The following KLC3 variants were observed in gnomAD, a reference collection of about 807,000 sequenced individuals.
The protein encoded by KLC3 is kinesin light chain 2.
Under a neutral mutation model 62.9 loss-of-function variants are expected in KLC3, and 72 were observed. The observed-to-expected ratio is 1.15, with a 90% CI of 0.95 to 1.39. The LOEUF (loss-of-function observed/expected upper bound fraction) is 1.39. Among genes scored for constraint, KLC3 ranks in the 40% most tolerant of loss-of-function variants. KLC3 has a pLI of 0.00. For missense variants in KLC3, 848 were observed against 691.6 expected (o/e 1.23, Z -2.54); for synonymous variants, 377 against 300.5 (o/e 1.25, Z -2.63).
In KLC3 at chr19:45,350,509, C is replaced by T; in HGVS notation, c.1235-5C>T. On this transcript the variant is annotated splice_polypyrimidine_tract_variant and splice_region_variant and intron_variant, in intron 9 of 12. Coordinates refer to ENST00000391946, the MANE Select transcript of KLC3 (RefSeq NM_177417.3). ...CATCTCAGTGTCCCCCATCTTTCCC[C>T]CTAGGTGCCCCCAACACAGGCACAG... is the stretch of plus-strand genomic sequence containing the variant. 1 of 1,613,900 alleles carries T rather than the reference C, an allele frequency of 6.2e-7. No individual in the cohort carries two copies. Among genetic ancestry groups the T allele is most frequent in the Non-Finnish European group, 8.5e-7 (1 of 1,179,926 alleles).
intron 11 of KLC3, 51 bp downstream of exon 11, chr19:45,350,798 G>GCCCAC: frequency 7.0e-7 from 1 of 1,434,616 alleles, no homozygotes; most frequent in Non-Finnish European, 9.6e-7. Flanking sequence ...AGAATCCACA[G>GCCCAC]CCCACCCCAC....
chr19:45,344,373 TCTG>T (rs563507297), intron 1 of KLC3, among the ~76,000 whole-genome samples: 4 of 141,374 alleles, frequency 2.8e-5, no homozygotes, highest in South Asian at 2.2e-4. Context: ...GCCACCATGC[TCTG>T]CTATTTTTTT....
At chr19:45,345,828 G>A (rs1188220167) in intron 2 of KLC3, 29 bp downstream of exon 2, 2 of 1,532,990 alleles carry the variant, frequency 1.3e-6, no homozygotes, top group South Asian at 1.2e-5. Context: ...GGGAGCTGGG[G>A]GAAGGTCAGC....
intron 8 of KLC3, 122 bp from the exon 9 acceptor site, chr19:45,350,219 C>G: frequency 1.4e-6 from 1 of 722,704 alleles, no homozygotes; most frequent in Non-Finnish European, 2.3e-6. Flanking sequence ...GCTAGGAGTT[C>G]AAGACCAGCC....
chr19:45,349,053 C>G, intron 7 of KLC3, 132 bp downstream of exon 7: 1 of 760,728 alleles, frequency 1.3e-6, no homozygotes. Flanking sequence ...CCAGTTGGAG[C>G]CTAGATCACC....
At chr19:45,347,418 C>A (rs55936510) in intron 3 of KLC3, 29 bp from the exon 4 acceptor site, 65 of 1,592,324 alleles carry the variant, frequency 4.1e-5, no homozygotes, top group Non-Finnish European at 5.2e-5. Flanking sequence ...CCCCCACCAC[C>A]CCGGCCCCCC....
At position 45,347,979 on chromosome 19, in the gene KLC3, G is replaced by C; in HGVS notation, c.598G>C (p.Gly200Arg). 2 of 1,609,376 alleles carry C rather than the reference G, an allele frequency of 1.2e-6. No homozygotes were observed. Among genetic ancestry groups the C allele is most frequent in the Non-Finnish European group, 1.7e-6 (2 of 1,178,096 alleles). The change falls in exon 5 of 13, where the codon GGC becomes CGC. Residue 200 changes from glycine to arginine, a missense_variant. Physicochemically the swap from Gly to Arg is moderately radical, Grantham distance 125 (BLOSUM62 -2). Transcript: ENST00000391946. Reference protein sequence around the residue: ...AAGAAAAQQGGYEIPARLRTL... With the variant: ...AAGAAAAQQGRYEIPARLRTL... The stretch of plus-strand genomic sequence containing the variant: ...AGGAGCAGCAGCTGCTCAGCAGGGT[G>C]GCTATGAGATCCCTGCCCGCCTTCG...
At chr19:45,340,986 G>A (rs557327191) in intron 1 of KLC3, 140 bp downstream of exon 1, 10 of 152,510 alleles carry the variant, frequency 6.6e-5, no homozygotes, top group Middle Eastern at 3.4e-3. Context: ...GGGGCTCTCC[G>A]GGATCTGGAG....
At chr19:45,351,195 A>T in intron 12 of KLC3, 91 bp from the exon 13 acceptor site, 1 of 1,585,376 alleles carries the variant, frequency 6.3e-7, no homozygotes, top group Non-Finnish European at 8.6e-7. Context: ...GGGGTTGGAT[A>T]GTTGGCTGCC....
Position 45,346,537 on chromosome 19 carries a change from C to G in KLC3, c.259-7C>G. On this transcript the variant is annotated splice_region_variant and splice_polypyrimidine_tract_variant and intron_variant, in intron 2 of 12. Coordinates refer to ENST00000391946, the MANE Select transcript of KLC3 (RefSeq NM_177417.3). ...CAACCTCGACTTGGGACCCCCACCC[C>G]GGGCAGGTGCTGCTGGCCCTGTCGG... The G allele has an allele frequency of 6.6e-7, 1 of 1,521,594 alleles. No individual in the cohort carries two copies. The highest frequency in any genetic ancestry group is 8.8e-7 in the Non-Finnish European group (1 of 1,131,610). The allele number at this position is 1,521,594 out of a possible 1,614,324, so 94.3% of individuals were successfully genotyped here. A position where few individuals can be genotyped will look rare whatever the true frequency, so the allele number is the denominator to read the frequency against.
intron 8 of KLC3, 101 bp downstream of exon 8, chr19:45,349,703 G>A (rs1971621304): frequency 4.9e-6 from 4 of 821,020 alleles, no homozygotes; most frequent in Non-Finnish European, 5.4e-6. Flanking sequence ...GGGTGGGGGG[G>A]GGCCCCCCAG....
Position 45,348,091 on chromosome 19 carries a change from T to C in KLC3, c.710T>C (p.Leu237Pro). Residue 237 changes from leucine (L) to proline (P), a missense_variant, in exon 5 of 13, where the codon CTG becomes CCG. By Grantham distance (98) the Leu-to-Pro change is moderately conservative. Transcript: ENST00000391946. ...CTGTGCCGCCAGGCCTTGGAGGACC[T>C]GGAGCGCAGCTCGGGCCACTGCCAC... ...VPLCRQALED[L>P]ERSSGHCHPD... 8.1e-6 allele frequency: 13 copies of C among 1,602,752 alleles called. No individual in the cohort carries two copies. The highest frequency in any genetic ancestry group is 1.0e-5 in the Non-Finnish European group (12 of 1,175,144).
chr19:45,350,000 G>A, intron 8 of KLC3: 1 of 442,650 alleles, frequency 2.3e-6, no homozygotes, highest in Non-Finnish European at 4.1e-6. Context: ...CCAAAGTACA[G>A]CAGACAGGCT....
Position 45,350,552 on chromosome 19 carries a change from G to C in KLC3, c.1272+1G>C. On this transcript the variant is annotated splice_donor_variant, in intron 10 of 12. Coordinates refer to ENST00000391946, the MANE Select transcript of KLC3 (RefSeq NM_177417.3). LOFTEE classifies it high-confidence loss of function. ...AGGCACAGCTGGTGACGCAGAACAG[G>C]TGAGGATGGGCTGTGCTTCGGCTCC... The C allele has an allele frequency of 6.2e-7, 1 of 1,613,986 alleles. No individual in the cohort carries two copies. Among genetic ancestry groups the C allele is most frequent in the Non-Finnish European group, 8.5e-7 (1 of 1,179,978 alleles).
intron 8 of KLC3, chr19:45,350,040 C>T (rs1289985951): frequency 2.2e-6 from 1 of 461,260 alleles, no homozygotes; most frequent in South Asian, 2.8e-5. Context: ...GTCCTCCATC[C>T]CCAGGGCAGG....
rs1419767435 is a variant in KLC3 at position 45,351,472 on chromosome 19, T to G, written c.*115T>G. 3.8e-6 allele frequency: 6 copies of G among 1,584,618 alleles called. No individual in the cohort carries two copies. Among genetic ancestry groups the G allele is most frequent in the Non-Finnish European group, 5.1e-6 (6 of 1,169,562 alleles). On this transcript the variant is annotated 3_prime_UTR_variant, in exon 13 of 13. Transcript: ENST00000391946. ...CCCCCCCTTGCCTCTGGGTACCTGG[T>G]GGATAGCTGCCTTCTCCTGCGATTA... is the stretch of plus-strand genomic sequence containing the variant.
In KLC3 at chr19:45,342,416, G is replaced by A. The variant is rs142633502; in HGVS notation, c.-9+1570G>A. Among the ~76,000 whole-genome samples the A allele has an allele frequency of 1.2e-3, 187 of 152,078 alleles. 1 individual carries two copies. The highest frequency in any genetic ancestry group is 2.3e-3 in the East Asian group (12 of 5,188). On this transcript the variant is annotated intron_variant, in intron 1 of 12. Transcript: ENST00000391946. ...AGCCTGGGCAATATGGTGATACCCCGTCTCTACAAAAACAAAAATTAGCTG... is the reference window on the plus strand; with the variant it reads ...AGCCTGGGCAATATGGTGATACCCCATCTCTACAAAAACAAAAATTAGCTG...
intron 12 of KLC3, 56 bp downstream of exon 12, chr19:45,351,073 T>G: frequency 6.2e-7 from 1 of 1,613,502 alleles, no homozygotes; most frequent in East Asian, 2.2e-5. Flanking sequence ...GGTGCAGAGA[T>G]GAGGCAAAGG....
intron 2 of KLC3, among the ~76,000 whole-genome samples, chr19:45,346,293 T>G (rs989581828): frequency 2.6e-5 from 4 of 152,068 alleles, no homozygotes; most frequent in African/African-American, 9.7e-5. Flanking sequence ...TCCTTGTGTG[T>G]GACAGGGACC....
Sources: gnomAD v4.1 joint callset for allele counts (sites outside exome capture counted in the v4.1 genomes callset) on GRCh38, gnomAD v4.1.1 for gene constraint, MANE v1.5 for transcripts, NCBI Gene and HGNC (gene_info 2026-07-23, HGNC 2026-07-21) for gene names.